KCNT1: variants seen among roughly 807,000 people sequenced by gnomAD.
KCNT1 encodes the protein potassium channel subfamily T member 1.
A neutral mutation model predicts 147.8 loss-of-function variants in KCNT1; 78 were observed. The observed-to-expected ratio is 0.53, with a 90% CI of 0.44 to 0.64. The LOEUF (loss-of-function observed/expected upper bound fraction) is 0.64, where lower values mean the gene tolerates loss of function less well. KCNT1 is among the 30% of genes least tolerant of loss of function. KCNT1 has a pLI of 0.00. For missense variants in KCNT1, 1,419 were observed against 1,750.3 expected (o/e 0.81, Z 3.38); for synonymous variants, 867 against 748.8 (o/e 1.16, Z -2.58).
At chr9:135,757,824 T>C (rs1176452939) in intron 9 of KCNT1, among the ~76,000 whole-genome samples, 1 of 152,228 alleles carries the variant, frequency 6.6e-6, no homozygotes. Flanking sequence ...CCCTGTCATG[T>C]GAATGGCAGC....
At chr9:135,784,933 C>T (rs1295469183) in intron 27 of KCNT1, 44 bp downstream of exon 27, 1 of 1,594,762 alleles carries the variant, frequency 6.3e-7, no homozygotes, top group South Asian at 1.1e-5. Flanking sequence ...AGCCCCTGTC[C>T]TGTGTGACCC....
Position 135,786,562 on chromosome 9 carries a change from T to A in KCNT1, c.3502+41T>A, listed in dbSNP as rs1442425060. 10 of 1,509,032 alleles carry A rather than the reference T, an allele frequency of 6.6e-6. No individual in the cohort carries two copies. The African/African-American group carries it at 1.4e-4, about 22-fold the overall frequency. 93.5% of individuals were successfully genotyped at this position (1,509,032 alleles called of 1,614,324 possible). On this transcript the variant is annotated intron_variant, in intron 29 of 30. Coordinates refer to ENST00000371757, the MANE Select transcript of KCNT1 (RefSeq NM_020822.3). ...GCGGGTGGGGGCCGGACGGACGGAC[T>A]GGGCCAGGGTCGGGCCACAGCCAAG... is the stretch of plus-strand genomic sequence containing the variant.
chr9:135,757,417 G>A, intron 9 of KCNT1, 36 bp downstream of exon 9: 1 of 1,579,246 alleles, frequency 6.3e-7, no homozygotes, highest in Non-Finnish European at 8.6e-7. Flanking sequence ...GGGACTTGGG[G>A]GGGCCACCCT....
At chr9:135,707,136 A>T (rs1289890168) in intron 1 of KCNT1, among the ~76,000 whole-genome samples, 1 of 151,874 alleles carries the variant, frequency 6.6e-6, no homozygotes, top group Non-Finnish European at 1.5e-5. Context: ...AAAAAAAAAA[A>T]TTAAAAATTA....
rs547974669 is a variant in KCNT1, at chr9:135,790,178, C to T, written c.3503-1619C>T. 3.5e-3 allele frequency: 532 copies of T among 152,246 alleles called. 2 individuals are homozygous for T. The highest frequency in any genetic ancestry group is 5.6e-3 in the Non-Finnish European group (381 of 68,060). 9.4% of individuals were successfully genotyped at this position (152,246 alleles called of 1,614,324 possible). A position where few individuals can be genotyped will look rare whatever the true frequency, so the allele number is the denominator to read the frequency against. ...TGTTCTCGGTGTCCCACTGGGTGCT[C>T]GTCACAAAGCCAGTCAGGCAGGGGG... On this transcript the variant is annotated intron_variant, in intron 29 of 30. Transcript: ENST00000371757.
At chr9:135,779,295 GC>G in intron 23 of KCNT1, 63 bp from the exon 24 acceptor site, 1 of 985,138 alleles carries the variant, frequency 1.0e-6, no homozygotes, top group Non-Finnish European at 1.6e-6. Flanking sequence ...ATGATCATGG[GC>G]CCCCACCCTG....
intron 17 of KCNT1, 125 bp from the exon 18 acceptor site, chr9:135,770,732 A>C (rs901227517): frequency 2.0e-6 from 2 of 986,900 alleles, no homozygotes; most frequent in Admixed American, 2.4e-5. Flanking sequence ...CCTGACCCCA[A>C]ATGGCCCCCA....
In KCNT1 at chr9:135,714,665, C is replaced by G. The variant is rs1060503698; in HGVS notation, c.199C>G (p.Arg67Gly). 6.7e-7 allele frequency: 1 copy of G among 1,486,326 alleles called. No individual in the cohort carries two copies. The highest frequency in any genetic ancestry group is 1.2e-5 in the South Asian group (1 of 82,622). 92.1% of individuals were successfully genotyped at this position (1,486,326 alleles called of 1,614,324 possible). The change falls in exon 2 of 31, where the codon CGC becomes GGC. Residue 67 changes from arginine (R) to glycine (G), a missense_variant. Arg to Gly is a moderately radical substitution (Grantham distance 125). Around this residue, in one of 5 missense-constraint regions of KCNT1, gnomAD observed 181 missense variants for 155.7 expected, o/e 1.16. Transcript: ENST00000371757. The surrounding 1 kb of genome is among the most constrained non-coding windows in gnomAD (Gnocchi z 6.2). ...CTCCGAGGTGCTGCCCTTGCCGCCG[C>G]GCTACCGCTTCCGGGACCTGCTGCT... ...LDSEVLPLPPRYRFRDLLLGD... is the reference protein window; with the variant it reads ...LDSEVLPLPPGYRFRDLLLGD...
At chr9:135,747,086 C>T (rs926316812) in intron 2 of KCNT1, among the ~76,000 whole-genome samples, 10 of 152,164 alleles carry the variant, frequency 6.6e-5, no homozygotes, top group East Asian at 3.9e-4. Flanking sequence ...ACTTAATTCC[C>T]GGGCTGGGTG....
At chr9:135,726,043 C>T (rs936083950) in intron 2 of KCNT1, among the ~76,000 whole-genome samples, 3 of 152,114 alleles carry the variant, frequency 2.0e-5, no homozygotes, top group Non-Finnish European at 4.4e-5. Flanking sequence ...GAGGAGGGGC[C>T]TGTCAGGGCA....
At chr9:135,720,100 G>A (rs974564948) in intron 2 of KCNT1, among the ~76,000 whole-genome samples, 7 of 152,120 alleles carry the variant, frequency 4.6e-5, no homozygotes, top group African/African-American at 1.7e-4. Flanking sequence ...CTGTGGATGG[G>A]CCAGGCAGGG....
At chr9:135,729,795 T>A (rs1392356563) in intron 2 of KCNT1, among the ~76,000 whole-genome samples, 1 of 152,180 alleles carries the variant, frequency 6.6e-6, no homozygotes, top group Non-Finnish European at 1.5e-5. Flanking sequence ...ATGTTGCACG[T>A]GCCCTTGGTG....
rs376955682 is a variant in KCNT1, at chr9:135,777,401, G to A, written c.2413G>A (p.Val805Ile). ...AYGFKNKLIIVSAETAGNGLY... is the reference protein window; with the variant it reads ...AYGFKNKLIIISAETAGNGLY... ...CGGGTTCAAGAACAAGCTGATCATCGTCTCGGCAGAGACGGCCGGCAATGG... is the reference window on the plus strand; with the variant it reads ...CGGGTTCAAGAACAAGCTGATCATCATCTCGGCAGAGACGGCCGGCAATGG... The change falls in exon 21 of 31, where the codon GTC becomes ATC. Residue 805 changes from valine to isoleucine, a missense_variant. Coordinates refer to ENST00000371757, the MANE Select transcript of KCNT1 (RefSeq NM_020822.3). 2.5e-6 allele frequency: 4 copies of A among 1,613,966 alleles called. No individual in the cohort carries two copies. Among genetic ancestry groups the A allele is most frequent in the South Asian group, 1.1e-5 (1 of 91,088 alleles).
intron 2 of KCNT1, among the ~76,000 whole-genome samples, chr9:135,732,044 A>T (rs1374793390): frequency 8.9e-5 from 12 of 134,802 alleles, no homozygotes; most frequent in African/African-American, 3.3e-4. Flanking sequence ...AGAGAGAGGG[A>T]GTCTCACTCT....
chr9:135,756,628 C>T (rs1298854767), intron 6 of KCNT1, among the ~76,000 whole-genome samples: 1 of 152,180 alleles, frequency 6.6e-6, no homozygotes, highest in Non-Finnish European at 1.5e-5. Context: ...CCCTCCATCC[C>T]ACCCTGGGCC....
At position 135,764,996 on chromosome 9, in the gene KCNT1, C is replaced by A. The variant is rs1192516005; in HGVS notation, c.1036-35C>A. 4 of 1,584,674 alleles carry A rather than the reference C, an allele frequency of 2.5e-6. No homozygotes were observed. In the African/African-American group the frequency reaches 5.4e-5, roughly 21 times the overall value. ...CACCGGGAGCCCTCGCTCCCCAGGC[C>A]TGGTCGCTGGTGCTCACCTGTTTCT... On this transcript the variant is annotated intron_variant, in intron 11 of 30. Transcript: ENST00000371757.
In KCNT1 at chr9:135,768,859, G is replaced by A. The variant is rs766714200; in HGVS notation, c.1432G>A (p.Val478Met). Residue 478 changes from valine (V) to methionine (M), a missense_variant, in exon 15 of 31, where the codon GTG (valine) becomes ATG (methionine). Val to Met is a conservative substitution (Grantham distance 21). Around this residue, in one of 5 missense-constraint regions of KCNT1, gnomAD observed 401 missense variants for 610.6 expected, o/e 0.66. Coordinates refer to ENST00000371757, the MANE Select transcript of KCNT1 (RefSeq NM_020822.3). The stretch of plus-strand genomic sequence containing the variant: ...CCAGACCATCCTGCGCGCCTGGGCC[G>A]TGAAGGACTTCGCCCCCAACTGCCC... ...DHQTILRAWA[V>M]KDFAPNCPLY... is the part of the protein sequence containing the mutation. The A allele has an allele frequency of 6.8e-6, 11 of 1,612,966 alleles. No homozygotes were observed. The highest frequency in any genetic ancestry group is 1.3e-5 in the African/African-American group (1 of 74,926).
intron 2 of KCNT1, among the ~76,000 whole-genome samples, chr9:135,749,681 C>T (rs140138314): frequency 0.01 from 1,594 of 152,336 alleles, 29 homozygotes; most frequent in African/African-American, 0.037. Flanking sequence ...GCAGGTCCTA[C>T]GGCATGTTCT....
chr9:135,750,727 T>C, intron 3 of KCNT1: 1 of 592,064 alleles, frequency 1.7e-6, no homozygotes, highest in South Asian at 2.0e-5. Context: ...TTCAGGCACC[T>C]GTAAGGTGGG....
Sources: gnomAD v4.1 joint callset for allele counts (sites outside exome capture counted in the v4.1 genomes callset) on GRCh38, gnomAD v4.1.1 for gene constraint, gnomAD v4.1.1 regional missense constraint, Gnocchi (gnomAD v3.1) non-coding constraint, MANE v1.5 for transcripts, NCBI Gene and HGNC (gene_info 2026-07-23, HGNC 2026-07-21) for gene names.